The following CCNI2 variants were observed in gnomAD, a reference collection of about 807,000 sequenced individuals.
The protein encoded by CCNI2 is cyclin I family member 2.
CCNI2 carries 32 observed loss-of-function variants against 33.2 expected under a neutral mutation model. The ratio of observed to expected loss-of-function variants is 0.96; its 90% CI spans 0.73 to 1.30. The LOEUF (loss-of-function observed/expected upper bound fraction) is 1.30, where lower values mean the gene tolerates loss of function less well. Among genes scored for constraint, CCNI2 ranks in the 50% most tolerant of loss-of-function variants. CCNI2 has a pLI of 0.00. For synonymous variants in CCNI2, 231 were observed against 219.9 expected (o/e 1.05, Z -0.45); for missense variants, 452 against 486.2 (o/e 0.93, Z 0.66).
chr5:132,747,795 T>A lies in CCNI2; in HGVS notation c.300T>A (p.Ala100=). The change falls in exon 1 of 6, where the codon GCT becomes GCA. Residue 100 remains alanine, a synonymous_variant. Transcript: ENST00000378731. This position sits in a 1 kb window ranked among gnomAD's most constrained non-coding sequence, Gnocchi z 4.1. Reference sequence around the variant, plus strand: ...TCCCCGCCGCCGCCCCAGAGCAAGCTCCGCGGCCGGCTCCACAGTCCCGCA... The same window carrying A: ...TCCCCGCCGCCGCCCCAGAGCAAGCACCGCGGCCGGCTCCACAGTCCCGCA... ...DAVPAAAPEQ[A]PRPAPQSRKP... The A allele has an allele frequency of 6.8e-7, 1 of 1,477,400 alleles. No individual in the cohort carries two copies. Among genetic ancestry groups the A allele is most frequent in the Non-Finnish European group, 8.9e-7 (1 of 1,121,818 alleles). 91.5% of individuals were successfully genotyped at this position (1,477,400 alleles called of 1,614,324 possible).
chr5:132,747,964 G>A lies in CCNI2; in HGVS notation c.429+40G>A. 1 of 1,358,396 alleles carries A rather than the reference G, an allele frequency of 7.4e-7. No individual in the cohort carries two copies. The highest frequency in any genetic ancestry group is 3.0e-5 in the East Asian group (1 of 33,256). The allele number at this position is 1,358,396 out of a possible 1,614,324, so 84.1% of individuals were successfully genotyped here. On this transcript the variant is annotated intron_variant, in intron 1 of 5. Transcript: ENST00000378731. The surrounding 1 kb of genome is among the most constrained non-coding windows in gnomAD (Gnocchi z 4.1). ...CGCGTGGCCCTCCTCGCGCGTGCACGGCAGGCGGATGTGGCCTCCACCTGC... is the reference window on the plus strand; with the variant it reads ...CGCGTGGCCCTCCTCGCGCGTGCACAGCAGGCGGATGTGGCCTCCACCTGC...
intron 5 of CCNI2, 26 bp downstream of exon 5, chr5:132,752,222 A>G (rs1188044536): frequency 1.9e-6 from 3 of 1,544,934 alleles, no homozygotes; most frequent in Non-Finnish European, 2.6e-6. Context: ...GCCCCAGACC[A>G]GGCTCTGTGT....
Position 132,752,129 on chromosome 5 carries a change from C to T in CCNI2, c.938C>T (p.Thr313Ile), listed in dbSNP as rs1446064985. The T allele has an allele frequency of 8.1e-6, 13 of 1,598,510 alleles. No homozygotes were observed. In the South Asian group the frequency reaches 1.5e-4, roughly 18 times the overall value. ...TCCACACTGGCCTTGGTCATCATCA[C>T]CTTAGAGCTGGAGAGGCTCATGCCC... ...KGSTLALVII[T>I]LELERLMPGW... Residue 313 changes from threonine (T) to isoleucine (I), a missense_variant, in exon 5 of 6, where the codon ACC becomes ATC. Physicochemically the swap from Thr to Ile is moderately conservative, Grantham distance 89 (BLOSUM62 -1). Transcript: ENST00000378731.
At position 132,750,978 on chromosome 5, in the gene CCNI2, C is replaced by T. The variant is rs774280984; in HGVS notation, c.755C>T (p.Pro252Leu). The change falls in exon 4 of 6, where the codon CCG (proline) becomes CTG (leucine). Residue 252 changes from proline to leucine, a missense_variant. Transcript: ENST00000378731. ...RLHWDLYIGT[P>L]LDFLTIFHAL... is the part of the protein sequence containing the mutation. ...CACTGGGACCTCTATATTGGGACGCCGCTGGACTTCTTGACTATAGTGAGT... is the reference window on the plus strand; with the variant it reads ...CACTGGGACCTCTATATTGGGACGCTGCTGGACTTCTTGACTATAGTGAGT... The T allele has an allele frequency of 5.0e-5, 81 of 1,613,934 alleles. 1 individual carries two copies. The highest frequency in any genetic ancestry group is 6.4e-5 in the Non-Finnish European group (76 of 1,180,014).
chr5:132,747,626 G>A lies in CCNI2; in HGVS notation c.131G>A (p.Gly44Glu), dbSNP rs1030368944. ...ALGVPLPPSP[G>E]EAPLPRSNRS... ...GGCGTTCCTCTCCCGCCGTCTCCGG[G>A]GGAGGCCCCTCTGCCCCGAAGCAAC... Residue 44 changes from glycine (G) to glutamate (E), a missense_variant, in exon 1 of 6, where the codon GGG becomes GAG. By Grantham distance (98) the Gly-to-Glu change is moderately conservative. Transcript: ENST00000378731. This position sits in a 1 kb window ranked among gnomAD's most constrained non-coding sequence, Gnocchi z 4.1. 27 of 1,501,924 alleles carry A rather than the reference G, an allele frequency of 1.8e-5. No individual in the cohort carries two copies. The African/African-American group carries it at 2.7e-4, about 15-fold the overall frequency. The allele number at this position is 1,501,924 out of a possible 1,614,324, so 93.0% of individuals were successfully genotyped here.
chr5:132,751,981 G>A lies in CCNI2; in HGVS notation c.790G>A (p.Val264Ile). ...TGGTCTCCAGTTCCATGCCCTGGTG[G>A]TCCTGAGCTGGCCCCATGTGTTGGA... ...DFLTIFHALVVLSWPHVLELL... is the reference protein window; with the variant it reads ...DFLTIFHALVILSWPHVLELL... Residue 264 changes from valine to isoleucine, a missense_variant, in exon 5 of 6, where the codon GTC (valine) becomes ATC (isoleucine). Transcript: ENST00000378731. 6.2e-7 allele frequency: 1 copy of A among 1,611,228 alleles called. No individual in the cohort carries two copies. Among genetic ancestry groups the A allele is most frequent in the Non-Finnish European group, 8.5e-7 (1 of 1,178,946 alleles).
chr5:132,748,325 C>T (rs1293769102), intron 1 of CCNI2, 22 bp from the exon 2 acceptor site: 1 of 1,613,534 alleles, frequency 6.2e-7, no homozygotes, highest in Non-Finnish European at 8.5e-7. Context: ...TTCCTCGCCC[C>T]ACCTGCTCTT....
At chr5:132,752,325 G>A (rs1561730338) in intron 5 of CCNI2, 129 bp downstream of exon 5, 3 of 1,135,716 alleles carry the variant, frequency 2.6e-6, no homozygotes, top group Non-Finnish European at 3.7e-6. Flanking sequence ...CCTGGAAAGA[G>A]TCTGCCCAAA....
At chr5:132,751,353 A>G (rs1023853280) in intron 4 of CCNI2, 1 of 207,588 alleles carries the variant, frequency 4.8e-6, no homozygotes, top group African/African-American at 2.3e-5. Flanking sequence ...ACACACATTC[A>G]CTTAGCTGTC....
chr5:132,748,245 C>T (rs1030533264), intron 1 of CCNI2, 102 bp from the exon 2 acceptor site: 21 of 1,490,288 alleles, frequency 1.4e-5, no homozygotes, highest in Non-Finnish European at 1.6e-5. Context: ...GGACTTCTCA[C>T]TGCCCCACCC....
intron 1 of CCNI2, 142 bp from the exon 2 acceptor site, chr5:132,748,205 C>T: frequency 8.4e-7 from 1 of 1,195,228 alleles, no homozygotes; most frequent in Admixed American, 2.8e-5. Context: ...CGCCGGGGGG[C>T]GCTTACTCCC....
In CCNI2 at chr5:132,751,317, A is replaced by G. The variant is rs1035011309; in HGVS notation, c.774+320A>G. The G allele has an allele frequency of 3.7e-5, 9 of 246,458 alleles. No homozygotes were observed. In the Admixed American group the frequency reaches 4.5e-4, roughly 12 times the overall value. The allele number at this position is 246,458 out of a possible 1,614,324, so 15.3% of individuals were successfully genotyped here. A position where few individuals can be genotyped will look rare whatever the true frequency, so the allele number is the denominator to read the frequency against. On this transcript the variant is annotated intron_variant, in intron 4 of 5. Transcript: ENST00000378731. The stretch of plus-strand genomic sequence containing the variant: ...TCCATTCTATGAATACTGTACATAA[A>G]TATCTGTCTGCTTTTGCTACACTTT...
In CCNI2 at chr5:132,748,982, G is replaced by A. The variant is rs548650977; in HGVS notation, c.559-366G>A. Reference sequence around the variant, plus strand: ...AGCTTATTAAAACAAACGGCTGGGCGCAATGGCTCACGCCTGTAATCCCAG... The same window carrying A: ...AGCTTATTAAAACAAACGGCTGGGCACAATGGCTCACGCCTGTAATCCCAG... On this transcript the variant is annotated intron_variant, in intron 2 of 5. Coordinates refer to ENST00000378731, the MANE Select transcript of CCNI2 (RefSeq NM_001039780.4). Among the ~76,000 whole-genome samples the A allele has an allele frequency of 6.6e-5, 10 of 152,322 alleles. No individual in the cohort carries two copies. In the South Asian group the frequency reaches 1.2e-3, roughly 19 times the overall value.
Position 132,749,344 on chromosome 5 carries a change from G to T in CCNI2, c.559-4G>T, listed in dbSNP as rs756258533. The T allele has an allele frequency of 3.7e-6, 6 of 1,611,638 alleles. No individual in the cohort carries two copies. The highest frequency in any genetic ancestry group is 4.2e-6 in the Non-Finnish European group (5 of 1,177,850). On this transcript the variant is annotated splice_region_variant and splice_polypyrimidine_tract_variant and intron_variant, in intron 2 of 5. Transcript: ENST00000378731. Reference sequence around the variant, plus strand: ...TGCTCAAATGTGTTTGTTCCATACTGCAGGTAAAAGAGAAATACCTGCATT... The same window carrying T: ...TGCTCAAATGTGTTTGTTCCATACTTCAGGTAAAAGAGAAATACCTGCATT...
At chr5:132,751,038 T>C in intron 4 of CCNI2, 41 bp downstream of exon 4, 19 of 1,603,412 alleles carry the variant, frequency 1.2e-5, no homozygotes, top group Non-Finnish European at 1.5e-5. Context: ...CTAAACTCGT[T>C]TGTGCCTTTG....
intron 4 of CCNI2, chr5:132,751,319 ATCTG>A (rs960674773): frequency 1.2e-5 from 3 of 243,996 alleles, no homozygotes; most frequent in African/African-American, 6.8e-5. Flanking sequence ...GTACATAAAT[ATCTG>A]TCTGCTTTTG....
intron 3 of CCNI2, 134 bp downstream of exon 3, chr5:132,749,556 A>G: frequency 1.4e-6 from 1 of 695,420 alleles, no homozygotes; most frequent in Non-Finnish European, 2.6e-6. Context: ...ACTTGCCGGC[A>G]TCTCTGCTAT....
In CCNI2 at chr5:132,752,049, G is replaced by A. The variant is rs1219603478; in HGVS notation, c.858G>A (p.Leu286=). 6.2e-7 allele frequency: 1 copy of A among 1,610,622 alleles called. No homozygotes were observed. Among genetic ancestry groups the A allele is most frequent in the African/African-American group, 1.3e-5 (1 of 74,896 alleles). The part of the protein sequence containing the change: ...QRNPSLHVAS[L]TRQLQHCMAG... Reference sequence around the variant, plus strand: ...ATCCTTCCCTCCACGTCGCATCCCTGACCAGGCAGCTGCAGCACTGTATGG... The same window carrying A: ...ATCCTTCCCTCCACGTCGCATCCCTAACCAGGCAGCTGCAGCACTGTATGG... Residue 286 remains leucine, a synonymous_variant, in exon 5 of 6, where the codon CTG becomes CTA. Coordinates refer to ENST00000378731, the MANE Select transcript of CCNI2 (RefSeq NM_001039780.4).
At position 132,750,924 on chromosome 5, in the gene CCNI2, G is replaced by A. The variant is rs147866489; in HGVS notation, c.701G>A (p.Arg234Lys). ...GSDYSPNELL[R>K]MELAILDRLH... is the part of the protein sequence containing the mutation. ...GACTATTCCCCGAATGAGCTGCTGAGGATGGAGCTGGCTATTCTGGACAGA... is the reference window on the plus strand; with the variant it reads ...GACTATTCCCCGAATGAGCTGCTGAAGATGGAGCTGGCTATTCTGGACAGA... Residue 234 changes from arginine to lysine, a missense_variant, in exon 4 of 6, where the codon AGG becomes AAG. Transcript: ENST00000378731. 2.4e-5 allele frequency: 39 copies of A among 1,614,124 alleles called. No homozygotes were observed. Among genetic ancestry groups the A allele is most frequent in the Admixed American group, 5.0e-5 (3 of 60,012 alleles).
Sources: allele counts gnomAD v4.1 joint callset (sites outside exome capture counted in the v4.1 genomes callset), GRCh38; gene constraint gnomAD v4.1.1; non-coding constraint Gnocchi (gnomAD v3.1); transcripts MANE v1.5; gene names NCBI Gene and HGNC (gene_info 2026-07-23, HGNC 2026-07-21).